The following ENOX2 variants were observed in gnomAD, a reference collection of about 807,000 sequenced individuals.
ENOX2 encodes APK1 antigen.
A neutral mutation model predicts 45.0 loss-of-function variants in ENOX2; 36 were observed. That is an observed-to-expected ratio of 0.80 (90% CI 0.61 to 1.06). The LOEUF (loss-of-function observed/expected upper bound fraction) is 1.06. ENOX2 is among the 50% of genes least tolerant of loss of function. The probability of loss-of-function intolerance (pLI) is 0.00; values close to 1 mark genes in which losing one functional copy is unlikely to be tolerated. For synonymous variants in ENOX2, 174 were observed against 152.3 expected (o/e 1.14, Z -1.05); for missense variants, 423 against 462.5 (o/e 0.91, Z 0.78).
At chrX:130,895,054 A>G (rs141712099) in intron 2 of ENOX2, among the ~76,000 whole-genome samples, 10 of 111,720 alleles carry the variant, frequency 9.0e-5, no homozygotes, top group African/African-American at 3.3e-4. Flanking sequence ...TGCTTTTCAC[A>G]TCAAAATACG....
chrX:130,805,847 T>C (rs1204995514), intron 2 of ENOX2, among the ~76,000 whole-genome samples: 1 of 112,068 alleles, frequency 8.9e-6, no homozygotes, highest in African/African-American at 3.2e-5. Context: ...TGGCAATGAT[T>C]GTTCCTGCTC....
At chrX:130,632,085 C>G (rs1021016902) in intron 12 of ENOX2, among the ~76,000 whole-genome samples, 1 of 111,209 alleles carries the variant, frequency 9.0e-6, no homozygotes, top group Admixed American at 9.6e-5. Context: ...AATGGACAAT[C>G]TACGTTGGCT....
chrX:130,727,631 G>A (rs1480606093), intron 3 of ENOX2, among the ~76,000 whole-genome samples: 1 of 112,395 alleles, frequency 8.9e-6, no homozygotes, highest in Non-Finnish European at 1.9e-5. Context: ...GTACAGTGAA[G>A]GTAGATGGAA....
intron 9 of ENOX2, 31 bp downstream of exon 9, chrX:130,665,612 C>T: frequency 9.7e-7 from 1 of 1,035,305 alleles, no homozygotes; most frequent in Non-Finnish European, 1.3e-6. Flanking sequence ...ACTGTCCCCC[C>T]AAGGGGCTAC....
intron 2 of ENOX2, among the ~76,000 whole-genome samples, chrX:130,809,421 A>G (rs941754040): frequency 8.0e-5 from 9 of 112,238 alleles, no homozygotes; most frequent in African/African-American, 2.9e-4. Context: ...TGGTGTCACT[A>G]CTATAGTACT....
chrX:130,627,026 C>T (rs1215818515), intron 14 of ENOX2, among the ~76,000 whole-genome samples: 4 of 111,334 alleles, frequency 3.6e-5, no homozygotes, highest in Non-Finnish European at 5.7e-5. Context: ...AGGGAATTAG[C>T]ACTTACCCCT....
At chrX:130,716,888 G>A (rs1012905072) in intron 3 of ENOX2, among the ~76,000 whole-genome samples, 1 of 112,007 alleles carries the variant, frequency 8.9e-6, no homozygotes, top group Non-Finnish European at 1.9e-5. Context: ...TTTTCTTCCT[G>A]AGTGAATCTC....
At chrX:130,659,694 A>C (rs1546932) in intron 9 of ENOX2, among the ~76,000 whole-genome samples, 1,904 of 112,551 alleles carry the variant, frequency 0.017, 30 homozygotes, top group African/African-American at 0.058. Flanking sequence ...CCTAACAAAA[A>C]TGTAGACTAT....
intron 2 of ENOX2, among the ~76,000 whole-genome samples, chrX:130,876,761 A>G (rs1049828422): frequency 1.4e-4 from 16 of 111,596 alleles, no homozygotes; most frequent in East Asian, 2.8e-4. Flanking sequence ...TAACTCCTCA[A>G]TTTATTCTGT....
rs199641543 is a variant in ENOX2 at position 130,824,879 on chromosome X, G to GACAATTT, written c.-182-41190_-182-41189insAAATTGT. On this transcript the variant is annotated intron_variant, in intron 2 of 14. Transcript: ENST00000394363. ...TGAAATATTTAAGACTGACAATACTGAGGGCTGGAGATGTGGAACCCCCAT... is the reference window on the plus strand; with the variant it reads ...TGAAATATTTAAGACTGACAATACTGACAATTTAGGGCTGGAGATGTGGAACCCCCAT... 4.3e-3 allele frequency among the ~76,000 whole-genome samples: 476 copies of GACAATTT among 111,380 alleles called. 2 individuals carry two copies. The highest frequency in any genetic ancestry group is 0.015 in the African/African-American group (461 of 30,721).
intron 2 of ENOX2, among the ~76,000 whole-genome samples, chrX:130,822,503 C>T (rs1222045780): frequency 2.7e-5 from 3 of 111,222 alleles, no homozygotes; most frequent in Non-Finnish European, 5.7e-5. Flanking sequence ...TGGAAACCAT[C>T]ATTCTCAGCA....
chrX:130,660,098 G>A (rs1390712037), intron 9 of ENOX2, among the ~76,000 whole-genome samples: 6 of 111,415 alleles, frequency 5.4e-5, no homozygotes, highest in Non-Finnish European at 1.1e-4. Flanking sequence ...AAAAACTAAG[G>A]GGTATGTTTC....
chrX:130,722,501 C>A (rs2038504805), intron 3 of ENOX2, among the ~76,000 whole-genome samples: 1 of 111,736 alleles, frequency 8.9e-6, no homozygotes, highest in African/African-American at 3.3e-5. Flanking sequence ...AGTACGCAAC[C>A]TTTTATCTCT....
intron 4 of ENOX2, among the ~76,000 whole-genome samples, chrX:130,702,522 C>T (rs2037924407): frequency 8.9e-6 from 1 of 111,978 alleles, no homozygotes; most frequent in Admixed American, 9.4e-5. Context: ...CTCTCACTGT[C>T]CAGGAAGCTT....
rs201407685 is a variant in ENOX2 at position 130,859,961 on chromosome X, A to AT, written c.-183+41722dup. On this transcript the variant is annotated intron_variant, in intron 2 of 14. Coordinates refer to ENST00000394363, the MANE Select transcript of ENOX2 (RefSeq NM_006375.4). Reference sequence around the variant, plus strand: ...CCGGTTCCTTGTCTTCTCCGAAACTATTTTTTTTTTTTTTGATGGAGTCTC... The same window carrying AT: ...CCGGTTCCTTGTCTTCTCCGAAACTATTTTTTTTTTTTTTTGATGGAGTCTC... Among the ~76,000 whole-genome samples the AT allele has an allele frequency of 8.1e-3, 810 of 99,966 alleles. 3 individuals carry two copies. The highest frequency in any genetic ancestry group is 0.022 in the African/African-American group (614 of 27,604). The allele number at this position is 99,966 out of a possible 115,157, so 86.8% of individuals were successfully genotyped here. A position where few individuals can be genotyped will look rare whatever the true frequency, so the allele number is the denominator to read the frequency against.
rs771706385 is a variant in ENOX2 at position 130,628,088 on chromosome X, C to T, written c.1529-45G>A. 106 of 924,560 alleles carry T rather than the reference C, an allele frequency of 1.1e-4. 2 individuals carry two copies. The South Asian group carries it at 2.1e-3, about 18-fold the overall frequency. 76.2% of individuals were successfully genotyped at this position (924,560 alleles called of 1,213,427 possible). A position where few individuals can be genotyped will look rare whatever the true frequency, so the allele number is the denominator to read the frequency against. The stretch of plus-strand genomic sequence containing the variant: ...GAGGTTATACTTGAGCCTTGTATTT[C>T]TCGAGGTTCCACATGACAGTGAATA... On this transcript the variant is annotated intron_variant, in intron 13 of 14. Transcript: ENST00000394363.
chrX:130,820,801 T>C (rs1365254406), intron 2 of ENOX2, among the ~76,000 whole-genome samples: 2 of 111,496 alleles, frequency 1.8e-5, no homozygotes, highest in African/African-American at 6.5e-5. Context: ...TACCAGGAAG[T>C]GGTTGGGGGA....
At position 130,751,462 on chromosome X, in the gene ENOX2, G is replaced by A. The variant is rs2039219209; in HGVS notation, c.-39+32085C>T. On this transcript the variant is annotated intron_variant, in intron 3 of 14. Coordinates refer to ENST00000394363, the MANE Select transcript of ENOX2 (RefSeq NM_006375.4). ...TTCATTCATCCATTGATGGACATTAGGTTTGTTTCCACCTTTTTGGCTATC... is the reference window on the plus strand; with the variant it reads ...TTCATTCATCCATTGATGGACATTAAGTTTGTTTCCACCTTTTTGGCTATC... 2.7e-5 allele frequency among the ~76,000 whole-genome samples: 3 copies of A among 111,863 alleles called. No homozygotes were observed. In the South Asian group the frequency reaches 1.1e-3, roughly 42 times the overall value.
At chrX:130,865,164 T>C (rs1171948921) in intron 2 of ENOX2, among the ~76,000 whole-genome samples, 1 of 111,395 alleles carries the variant, frequency 9.0e-6, no homozygotes, top group Non-Finnish European at 1.9e-5. Context: ...ATGACTGTGA[T>C]TATAACTATT....
Sources: gnomAD v4.1 joint callset for allele counts (sites outside exome capture counted in the v4.1 genomes callset) on GRCh38, gnomAD v4.1.1 for gene constraint, MANE v1.5 for transcripts, NCBI Gene and HGNC (gene_info 2026-07-23, HGNC 2026-07-21) for gene names.